Variants in MSRA observed in about 807,000 individuals in gnomAD.
MSRA encodes the protein mitochondrial peptide methionine sulfoxide reductase.
MSRA carries 54 observed loss-of-function variants against 31.3 expected under a neutral mutation model. That is an observed-to-expected ratio of 1.73 (90% CI 1.39 to 2.17). The LOEUF (loss-of-function observed/expected upper bound fraction) is 2.17. Among genes scored for constraint, MSRA ranks in the 30% most tolerant of loss-of-function variants. The pLI is 0.00. For missense variants in MSRA, 507 were observed against 300.9 expected (o/e 1.69, Z -5.07); for synonymous variants, 169 against 116.5 (o/e 1.45, Z -2.90).
chr8:10,335,300 C>T (rs1474991495), intron 5 of MSRA, among the ~76,000 whole-genome samples: 1 of 141,466 alleles, frequency 7.1e-6, no homozygotes, highest in African/African-American at 2.6e-5. Flanking sequence ...AAATCCGGCC[C>T]TGTGACCCTT....
At chr8:10,114,146 ATTCC>A (rs1442011295) in intron 1 of MSRA, among the ~76,000 whole-genome samples, 1 of 152,146 alleles carries the variant, frequency 6.6e-6, no homozygotes, top group African/African-American at 2.4e-5. Context: ...TCAGTATTCC[ATTCC>A]TTTTATGGCT....
intron 1 of MSRA, among the ~76,000 whole-genome samples, chr8:10,182,280 T>G (rs1806613721): frequency 6.6e-6 from 1 of 152,198 alleles, no homozygotes; most frequent in Non-Finnish European, 1.5e-5. Context: ...TGCAGGCTGT[T>G]AAGGCCAAGA....
At chr8:10,186,860 G>C (rs1807100322) in intron 1 of MSRA, among the ~76,000 whole-genome samples, 1 of 152,150 alleles carries the variant, frequency 6.6e-6, no homozygotes, top group Admixed American at 6.5e-5. Flanking sequence ...TTGTCTTTGA[G>C]CTCTGTATGG....
chr8:10,074,600 C>T (rs529921927), intron 1 of MSRA, among the ~76,000 whole-genome samples: 3 of 152,222 alleles, frequency 2.0e-5, no homozygotes, highest in South Asian at 2.1e-4. Flanking sequence ...TATTTTCCAG[C>T]TTGCTTGATC....
intron 1 of MSRA, among the ~76,000 whole-genome samples, chr8:10,108,200 C>T (rs1800024464): frequency 6.6e-6 from 1 of 152,218 alleles, no homozygotes; most frequent in Non-Finnish European, 1.5e-5. Context: ...GACGTTTGTT[C>T]TTAAGTCTCT....
intron 5 of MSRA, among the ~76,000 whole-genome samples, chr8:10,422,505 C>G (rs1808872890): frequency 6.6e-6 from 1 of 152,168 alleles, no homozygotes; most frequent in Admixed American, 6.5e-5. Flanking sequence ...GGTGACCTTC[C>G]AGAAATTCCC....
At chr8:10,243,026 C>G (rs1324549784) in intron 2 of MSRA, among the ~76,000 whole-genome samples, 1 of 152,166 alleles carries the variant, frequency 6.6e-6, no homozygotes. Context: ...TATCTCTCTA[C>G]TTGCAGCTAA....
chr8:10,090,862 G>A (rs1240085783), intron 1 of MSRA, among the ~76,000 whole-genome samples: 1 of 152,190 alleles, frequency 6.6e-6, no homozygotes, highest in East Asian at 1.9e-4. Flanking sequence ...GCATGCGTCA[G>A]TGCTTCCTTC....
intron 1 of MSRA, among the ~76,000 whole-genome samples, chr8:10,073,283 T>C (rs1352380422): frequency 6.6e-6 from 1 of 152,078 alleles, no homozygotes; most frequent in Non-Finnish European, 1.5e-5. Flanking sequence ...TGAGTTACGG[T>C]AGTTCCTCTT....
At position 10,167,926 on chromosome 8, in the gene MSRA, C is replaced by T. The variant is rs533422378; in HGVS notation, c.143-39907C>T. On this transcript the variant is annotated intron_variant, in intron 1 of 5. Transcript: ENST00000317173. ...CCTGATGTTATTTAAGAAAATGGAC[C>T]GCGGAAGAGAGGCACATGGGTGGCC... Among the ~76,000 whole-genome samples, 48 of 152,210 alleles carry T rather than the reference C, an allele frequency of 3.2e-4. No individual in the cohort carries two copies. In the South Asian group the frequency reaches 8.9e-3, roughly 28 times the overall value.
At chr8:10,399,106 T>A (rs778798389) in intron 5 of MSRA, among the ~76,000 whole-genome samples, 4 of 152,220 alleles carry the variant, frequency 2.6e-5, no homozygotes, top group Non-Finnish European at 5.9e-5. Flanking sequence ...GCTGCAAAAC[T>A]TTAAAGATGG....
intron 1 of MSRA, among the ~76,000 whole-genome samples, chr8:10,202,380 T>G (rs1042904569): frequency 6.6e-6 from 1 of 152,248 alleles, no homozygotes; most frequent in African/African-American, 2.4e-5. Context: ...TTTCCCCTTA[T>G]TCTTTTATCC....
chr8:10,416,375 A>G (rs891844197), intron 5 of MSRA, among the ~76,000 whole-genome samples: 2 of 152,200 alleles, frequency 1.3e-5, no homozygotes, highest in African/African-American at 2.4e-5. Context: ...ATCACACCCC[A>G]TGCCCGGGAA....
At chr8:10,135,245 TG>T (rs752567897) in intron 1 of MSRA, among the ~76,000 whole-genome samples, 100 of 152,358 alleles carry the variant, frequency 6.6e-4, no homozygotes, top group South Asian at 6.2e-4. Flanking sequence ...TCTGTGACAT[TG>T]GGGGTTGCCT....
chr8:10,081,183 A>G (rs1022135815), intron 1 of MSRA, among the ~76,000 whole-genome samples: 4 of 152,196 alleles, frequency 2.6e-5, no homozygotes, highest in African/African-American at 7.2e-5. Context: ...GAGGCATCAT[A>G]TAAGAACTAG....
intron 5 of MSRA, among the ~76,000 whole-genome samples, chr8:10,343,036 C>G (rs1233760073): frequency 1.7e-5 from 2 of 120,716 alleles, no homozygotes; most frequent in South Asian, 2.8e-4. Flanking sequence ...CACACACACA[C>G]ACACACACAC....
intron 3 of MSRA, among the ~76,000 whole-genome samples, chr8:10,263,496 C>G (rs1298880023): frequency 1.3e-5 from 2 of 152,236 alleles, no homozygotes; most frequent in Non-Finnish European, 2.9e-5. Flanking sequence ...AACCCTGTAT[C>G]TCCCTATATG....
At chr8:10,162,106 T>C (rs1056132385) in intron 1 of MSRA, among the ~76,000 whole-genome samples, 1 of 151,908 alleles carries the variant, frequency 6.6e-6, no homozygotes, top group East Asian at 1.9e-4. Flanking sequence ...GGGAGGTGAT[T>C]AGAGAGAATA....
At position 10,234,010 on chromosome 8, in the gene MSRA, A is replaced by T. The variant is rs935624055; in HGVS notation, c.212-11094A>T. ...GAGTGCCAATGATCGTGAGAAGACA[A>T]TGGAGTAACATCTTCAAAGTATTGA... On this transcript the variant is annotated intron_variant, in intron 2 of 5. Coordinates refer to ENST00000317173, the MANE Select transcript of MSRA (RefSeq NM_012331.5). Among the ~76,000 whole-genome samples, 157 of 152,210 alleles carry T rather than the reference A, an allele frequency of 1.0e-3. 3 individuals carry two copies. The highest frequency in any genetic ancestry group is 2.7e-3 in the African/African-American group (114 of 41,464).
Sources: gnomAD v4.1 joint callset for allele counts (sites outside exome capture counted in the v4.1 genomes callset) on GRCh38, gnomAD v4.1.1 for gene constraint, MANE v1.5 for transcripts, NCBI Gene and HGNC (gene_info 2026-07-23, HGNC 2026-07-21) for gene names.